CTNNA3: variants seen among roughly 807,000 people sequenced by gnomAD.
The protein encoded by CTNNA3 is catenin alpha-3.
Under a neutral mutation model 95.7 loss-of-function variants are expected in CTNNA3, and 76 were observed. The ratio of observed to expected loss-of-function variants is 0.79; its 90% CI spans 0.66 to 0.96. The LOEUF is 0.96. Among genes scored for constraint, CTNNA3 ranks in the 40% least tolerant of loss-of-function variants. The pLI is 0.00. For missense variants in CTNNA3, 1,191 were observed against 1,089.8 expected (o/e 1.09, Z -1.31); for synonymous variants, 431 against 374.4 (o/e 1.15, Z -1.74).
intron 5 of CTNNA3, among the ~76,000 whole-genome samples, chr10:67,308,013 C>T (rs1390683809): frequency 1.3e-5 from 2 of 152,204 alleles, no homozygotes; most frequent in African/African-American, 4.8e-5. Context: ...TCCCCATTCT[C>T]AGAAGGTCCT....
intron 7 of CTNNA3, among the ~76,000 whole-genome samples, chr10:67,088,148 A>C (rs1446831060): frequency 1.3e-5 from 2 of 151,584 alleles, no homozygotes; most frequent in African/African-American, 4.8e-5. Context: ...TGGGGAGATA[A>C]GAAATGCTTT....
intron 11 of CTNNA3, among the ~76,000 whole-genome samples, chr10:66,456,329 C>A (rs1460602605): frequency 6.6e-6 from 1 of 152,082 alleles, no homozygotes; most frequent in African/African-American, 2.4e-5. Context: ...TATAGATCAG[C>A]TGATCAATAA....
At chr10:67,232,262 A>T (rs1056313151) in intron 5 of CTNNA3, among the ~76,000 whole-genome samples, 1 of 152,232 alleles carries the variant, frequency 6.6e-6, no homozygotes, top group African/African-American at 2.4e-5. Flanking sequence ...AGCCAGAGAC[A>T]AAGCTTGGGT....
chr10:66,168,036 G>A (rs1157402013), intron 13 of CTNNA3, among the ~76,000 whole-genome samples: 1 of 152,166 alleles, frequency 6.6e-6, no homozygotes, highest in Non-Finnish European at 1.5e-5. Flanking sequence ...TGTGGTTGGA[G>A]ATCTAAGAGG....
At chr10:66,127,986 C>T (rs575252751) in intron 13 of CTNNA3, among the ~76,000 whole-genome samples, 2 of 152,082 alleles carry the variant, frequency 1.3e-5, no homozygotes, top group South Asian at 2.1e-4. Flanking sequence ...GCAGGAGAAT[C>T]GCTTGAAACT....
At chr10:66,534,602 C>T (rs921811587) in intron 10 of CTNNA3, among the ~76,000 whole-genome samples, 1 of 149,546 alleles carries the variant, frequency 6.7e-6, no homozygotes, top group Admixed American at 6.7e-5. Flanking sequence ...TAATGTCTTT[C>T]TTAAATTAGA....
intron 7 of CTNNA3, among the ~76,000 whole-genome samples, chr10:66,942,111 A>C (rs1393829180): frequency 1.3e-5 from 2 of 152,166 alleles, no homozygotes; most frequent in Admixed American, 6.5e-5. Context: ...AATTTTGAGG[A>C]TAAATTGAGA....
At chr10:66,902,036 A>G (rs577199251) in intron 7 of CTNNA3, among the ~76,000 whole-genome samples, 3 of 152,340 alleles carry the variant, frequency 2.0e-5, no homozygotes, top group East Asian at 3.9e-4. Context: ...CGGACCTATT[A>G]GACATCTACA....
At chr10:65,957,260 C>G (rs1422309398) in intron 17 of CTNNA3, among the ~76,000 whole-genome samples, 2 of 152,098 alleles carry the variant, frequency 1.3e-5, no homozygotes, top group African/African-American at 2.4e-5. Flanking sequence ...TCCTCCATCC[C>G]TTTATTTTGA....
intron 7 of CTNNA3, among the ~76,000 whole-genome samples, chr10:67,025,500 A>G (rs1426799065): frequency 6.6e-6 from 1 of 152,196 alleles, no homozygotes; most frequent in African/African-American, 2.4e-5. Context: ...CAGACTTCCT[A>G]TATAATAATA....
intron 7 of CTNNA3, chr10:66,926,569 T>C (rs1484284763): frequency 6.2e-7 from 1 of 1,613,956 alleles, no homozygotes; most frequent in Admixed American, 1.7e-5. Flanking sequence ...GGACGACCTT[T>C]GAACAATACA....
intron 5 of CTNNA3, among the ~76,000 whole-genome samples, chr10:67,510,206 T>C (rs1839569108): frequency 6.6e-6 from 1 of 152,240 alleles, no homozygotes; most frequent in African/African-American, 2.4e-5. Flanking sequence ...ATCCCATTTG[T>C]CTATCTTGGC....
At chr10:67,034,885 A>G (rs995820758) in intron 7 of CTNNA3, among the ~76,000 whole-genome samples, 4 of 152,152 alleles carry the variant, frequency 2.6e-5, no homozygotes, top group Non-Finnish European at 4.4e-5. Flanking sequence ...CCTGCTTACC[A>G]TTTGATCATG....
chr10:66,258,443 T>C (rs1435749452), intron 13 of CTNNA3, among the ~76,000 whole-genome samples: 2 of 152,164 alleles, frequency 1.3e-5, no homozygotes, highest in African/African-American at 2.4e-5. Context: ...TTCCTTTGGA[T>C]TAAAAGGAAA....
chr10:66,496,224 C>T (rs2131950776), intron 11 of CTNNA3, among the ~76,000 whole-genome samples: 1 of 152,128 alleles, frequency 6.6e-6, no homozygotes, highest in Admixed American at 6.5e-5. Context: ...ACATGAAAAT[C>T]ATTCTAATAC....
At chr10:65,991,674 A>G in intron 15 of CTNNA3, among the ~76,000 whole-genome samples, 1 of 151,946 alleles carries the variant, frequency 6.6e-6, no homozygotes, top group Admixed American at 6.6e-5. Flanking sequence ...TTTTCTTAAT[A>G]TAAGATAATT....
At chr10:66,522,443 A>G (rs1363346872) in intron 10 of CTNNA3, among the ~76,000 whole-genome samples, 1 of 152,128 alleles carries the variant, frequency 6.6e-6, no homozygotes, top group Non-Finnish European at 1.5e-5. Flanking sequence ...TTAAATCATG[A>G]GGACGGTTAC....
intron 9 of CTNNA3, among the ~76,000 whole-genome samples, chr10:66,684,614 C>A (rs915091230): frequency 5.9e-5 from 9 of 152,058 alleles, no homozygotes; most frequent in African/African-American, 1.9e-4. Context: ...AAAAAACAAG[C>A]TGTCTCCTTA....
intron 5 of CTNNA3, among the ~76,000 whole-genome samples, chr10:67,394,236 CTTTATATCTCAGTA>C (rs1844633834): frequency 6.6e-6 from 1 of 150,934 alleles, no homozygotes; most frequent in African/African-American, 2.4e-5. Flanking sequence ...TAATGCTTAA[CTTTATATCTCAGTA>C]TTTAAGGTAC....
Sources: gnomAD v4.1 joint callset for allele counts (sites outside exome capture counted in the v4.1 genomes callset) on GRCh38, gnomAD v4.1.1 for gene constraint, MANE v1.5 for transcripts, NCBI Gene and HGNC (gene_info 2026-07-23, HGNC 2026-07-21) for gene names.